The following PLEKHM3 variants were observed in gnomAD, a reference collection of about 807,000 sequenced individuals.
PLEKHM3 encodes the protein pleckstrin homology domain-containing family M member 3.
Under a neutral mutation model 81.8 loss-of-function variants are expected in PLEKHM3, and 45 were observed. The ratio of observed to expected loss-of-function variants is 0.55; its 90% CI spans 0.43 to 0.71. PLEKHM3 has a LOEUF of 0.71. PLEKHM3 is among the 30% of genes least tolerant of loss of function. The pLI, the probability that PLEKHM3 is intolerant of heterozygous loss-of-function variation, is 0.00. For missense variants in PLEKHM3, 788 were observed against 924.3 expected, an observed-to-expected ratio of 0.85 and a Z score of 1.91; for synonymous variants, 352 against 356.4, an observed-to-expected ratio of 0.99 and a Z score of 0.14.
At chr2:207,889,536 T>C (rs998635551) in intron 6 of PLEKHM3, among the ~76,000 whole-genome samples, 1 of 150,832 alleles carries the variant, frequency 6.6e-6, no homozygotes, top group Admixed American at 6.6e-5. Context: ...TGCTCTCATG[T>C]GCAAACCTAT....
intron 6 of PLEKHM3, among the ~76,000 whole-genome samples, chr2:207,894,686 C>T (rs1688164724): frequency 6.6e-6 from 1 of 152,128 alleles, no homozygotes; most frequent in Non-Finnish European, 1.5e-5. Flanking sequence ...AGTGTGTGCC[C>T]ATTTCTCTAA....
chr2:208,001,103 T>C lies in PLEKHM3; in HGVS notation c.537A>G (p.Gln179=). Residue 179 remains glutamine (Q), a synonymous_variant, in exon 2 of 8, where the codon CAA becomes CAG. Transcript: ENST00000427836. ...AAGATGGCCTGGTGACATGCGGGCC[T>C]TGAAGCAATGGCTGCTGCTGTTGCT... The part of the protein sequence containing the change: ...QQQQQQQPLL[Q]GPHVTRPSFL... The C allele has an allele frequency of 6.3e-7, 1 of 1,587,390 alleles. No individual in the cohort carries two copies. Among genetic ancestry groups the C allele is most frequent in the Non-Finnish European group, 8.6e-7 (1 of 1,166,698 alleles).
intron 3 of PLEKHM3, among the ~76,000 whole-genome samples, chr2:207,974,455 G>A (rs1387205739): frequency 6.6e-6 from 1 of 152,150 alleles, no homozygotes; most frequent in Admixed American, 6.5e-5. Flanking sequence ...TGAAATACCT[G>A]AGGCTTTTCT....
intron 7 of PLEKHM3, among the ~76,000 whole-genome samples, chr2:207,834,750 C>G (rs1440759655): frequency 2.6e-5 from 4 of 151,750 alleles, no homozygotes; most frequent in Admixed American, 2.6e-4. Flanking sequence ...ACCTAAAAGC[C>G]GTCTTGGTGG....
chr2:208,024,835 T>C (rs1292204837), intron 1 of PLEKHM3, among the ~76,000 whole-genome samples: 4 of 152,240 alleles, frequency 2.6e-5, no homozygotes, highest in Non-Finnish European at 4.4e-5. Context: ...CCAGTCTCAA[T>C]TTGTCATCCA....
chr2:207,873,412 G>C (rs552524849), intron 6 of PLEKHM3, among the ~76,000 whole-genome samples: 1 of 152,250 alleles, frequency 6.6e-6, no homozygotes, highest in South Asian at 2.1e-4. Flanking sequence ...TTCAAAACTA[G>C]ATGATCAATA....
At chr2:207,833,870 A>C (rs2092302517) in intron 7 of PLEKHM3, among the ~76,000 whole-genome samples, 1 of 152,234 alleles carries the variant, frequency 6.6e-6, no homozygotes, top group Non-Finnish European at 1.5e-5. Context: ...CTTACCAACC[A>C]ATAAGGTCCA....
At chr2:207,878,447 A>G (rs1455917887) in intron 6 of PLEKHM3, among the ~76,000 whole-genome samples, 3 of 152,162 alleles carry the variant, frequency 2.0e-5, no homozygotes, top group East Asian at 3.8e-4. Context: ...CGTCTCTACT[A>G]AAAATACAAA....
chr2:207,918,248 C>T (rs185352946), intron 5 of PLEKHM3, among the ~76,000 whole-genome samples: 3 of 152,268 alleles, frequency 2.0e-5, no homozygotes, highest in Non-Finnish European at 2.9e-5. Context: ...CAGTGCCGGG[C>T]GTGGTGGCTC....
At chr2:207,947,318 A>T (rs2105970468) in intron 3 of PLEKHM3, among the ~76,000 whole-genome samples, 1 of 152,340 alleles carries the variant, frequency 6.6e-6, no homozygotes, top group Middle Eastern at 3.4e-3. Flanking sequence ...GCCCAAGATT[A>T]CTGGTTGCCT....
Position 208,003,940 on chromosome 2 carries a change from T to C in PLEKHM3, c.-318-1983A>G, listed in dbSNP as rs146807320. Among the ~76,000 whole-genome samples, 667 of 152,342 alleles carry C rather than the reference T, an allele frequency of 4.4e-3. 1 individual carries two copies. The highest frequency in any genetic ancestry group is 0.011 in the African/African-American group (472 of 41,580). ...AGGCACCAAGGTTCAGAGCATTAAG[T>C]TGTTAATTGAAGATTACTGATATTC... On this transcript the variant is annotated intron_variant, in intron 1 of 7. Coordinates refer to ENST00000427836, the MANE Select transcript of PLEKHM3 (RefSeq NM_001080475.3).
At chr2:207,897,282 A>G (rs977231142) in intron 6 of PLEKHM3, among the ~76,000 whole-genome samples, 2 of 152,142 alleles carry the variant, frequency 1.3e-5, no homozygotes, top group African/African-American at 4.8e-5. Context: ...CTTTTGTGGC[A>G]ATGGTTGTGG....
At chr2:207,969,839 A>G (rs1200062612) in intron 3 of PLEKHM3, among the ~76,000 whole-genome samples, 1 of 151,740 alleles carries the variant, frequency 6.6e-6, no homozygotes, top group Non-Finnish European at 1.5e-5. Context: ...TTATTCCACA[A>G]CTCCCCCCAC....
At chr2:207,952,904 A>T (rs1259015964) in intron 3 of PLEKHM3, among the ~76,000 whole-genome samples, 1 of 152,250 alleles carries the variant, frequency 6.6e-6, no homozygotes, top group Non-Finnish European at 1.5e-5. Flanking sequence ...TCAGTGATCC[A>T]ATACTTTTTG....
intron 6 of PLEKHM3, among the ~76,000 whole-genome samples, chr2:207,898,313 C>T (rs1289491609): frequency 6.6e-6 from 1 of 152,170 alleles, no homozygotes; most frequent in African/African-American, 2.4e-5. Context: ...GTAACAGCTG[C>T]CCCTTTCAGA....
chr2:208,001,521 T>C lies in PLEKHM3; in HGVS notation c.119A>G (p.Gln40Arg). 1 of 1,614,236 alleles carries C rather than the reference T, an allele frequency of 6.2e-7. No individual in the cohort carries two copies. Among genetic ancestry groups the C allele is most frequent in the Non-Finnish European group, 8.5e-7 (1 of 1,180,038 alleles). The change falls in exon 2 of 8, where the codon CAG (glutamine) becomes CGG (arginine). Residue 40 changes from glutamine (Q) to arginine (R), a missense_variant. Gln to Arg is a conservative substitution (Grantham distance 43, BLOSUM62 1). Coordinates refer to ENST00000427836, the MANE Select transcript of PLEKHM3 (RefSeq NM_001080475.3). ...ATGCCCCACCAGTTCAGGGACTTCC[T>C]GGATCCCATAAACCTCTGCCTGCTG... The part of the protein sequence containing the change: ...AVQQAEVYGI[Q>R]EVPELVGHEV...
intron 7 of PLEKHM3, among the ~76,000 whole-genome samples, chr2:207,840,801 T>C (rs1344955919): frequency 3.1e-5 from 4 of 127,788 alleles, no homozygotes; most frequent in Admixed American, 1.5e-4. Flanking sequence ...CTTTTTATGT[T>C]TTTTTTTTTT....
chr2:207,999,146 C>T (rs1294718632), intron 2 of PLEKHM3, among the ~76,000 whole-genome samples: 1 of 152,050 alleles, frequency 6.6e-6, no homozygotes, highest in South Asian at 2.1e-4. Context: ...CCAAGCCCAG[C>T]TAATTTTTGT....
At chr2:207,959,645 T>A (rs2105994717) in intron 3 of PLEKHM3, among the ~76,000 whole-genome samples, 1 of 152,316 alleles carries the variant, frequency 6.6e-6, no homozygotes, top group South Asian at 2.1e-4. Flanking sequence ...AACTTTACAG[T>A]ATCCTGAAAA....
Sources: gnomAD v4.1 joint callset for allele counts (sites outside exome capture counted in the v4.1 genomes callset) on GRCh38, gnomAD v4.1.1 for gene constraint, MANE v1.5 for transcripts, NCBI Gene and HGNC (gene_info 2026-07-23, HGNC 2026-07-21) for gene names.